The following PPIL6 variants were observed in gnomAD, a reference collection of about 807,000 sequenced individuals.
PPIL6 encodes probable inactive peptidyl-prolyl cis-trans isomerase-like 6.
Under a neutral mutation model 36.8 loss-of-function variants are expected in PPIL6, and 39 were observed. The ratio of observed to expected loss-of-function variants is 1.06; its 90% CI spans 0.82 to 1.38. The LOEUF is 1.38. Among genes scored for constraint, PPIL6 ranks in the 40% most tolerant of loss-of-function variants. The pLI is 0.00. For synonymous variants in PPIL6, 123 were observed against 134.1 expected (o/e 0.92, Z 0.57); for missense variants, 368 against 379.1 (o/e 0.97, Z 0.24).
At chr6:109,417,263 T>A (rs902720391) in intron 6 of PPIL6, among the ~76,000 whole-genome samples, 2 of 151,716 alleles carry the variant, frequency 1.3e-5, no homozygotes, top group African/African-American at 4.8e-5. Context: ...TGGCAGCTTC[T>A]CCAAAAAATG....
intron 6 of PPIL6, among the ~76,000 whole-genome samples, chr6:109,401,786 G>A (rs1014435751): frequency 6.7e-5 from 9 of 134,178 alleles, no homozygotes; most frequent in Non-Finnish European, 1.1e-4. Context: ...GTGCAGTGGC[G>A]CGGTCTTGGT....
At chr6:109,406,285 C>T (rs539127929) in intron 6 of PPIL6, among the ~76,000 whole-genome samples, 2 of 151,718 alleles carry the variant, frequency 1.3e-5, no homozygotes, top group South Asian at 4.2e-4. Flanking sequence ...CTCCTGGGCT[C>T]AAGCAATCCT....
chr6:109,393,942 T>G (rs1261063096), intron 7 of PPIL6, among the ~76,000 whole-genome samples: 5 of 152,220 alleles, frequency 3.3e-5, no homozygotes, highest in Admixed American at 1.3e-4. Flanking sequence ...TTTGTATGCT[T>G]CTTTGATTGA....
At chr6:109,422,236 G>A (rs1773588286) in intron 5 of PPIL6, among the ~76,000 whole-genome samples, 1 of 152,170 alleles carries the variant, frequency 6.6e-6, no homozygotes, top group Non-Finnish European at 1.5e-5. Flanking sequence ...CCTGCTACTT[G>A]GGAGGCTGAA....
At chr6:109,439,170 A>G (rs1171847133) in intron 1 of PPIL6, among the ~76,000 whole-genome samples, 2 of 152,184 alleles carry the variant, frequency 1.3e-5, no homozygotes, top group African/African-American at 2.4e-5. Flanking sequence ...TCAGAAAAAG[A>G]GCGAAAAAAA....
At chr6:109,437,333 G>C (rs1179007692) in intron 1 of PPIL6, among the ~76,000 whole-genome samples, 1 of 152,170 alleles carries the variant, frequency 6.6e-6, no homozygotes, top group East Asian at 1.9e-4. Flanking sequence ...GTCCAAAAGA[G>C]GGTGCTGGCC....
chr6:109,435,784 G>A (rs953291880), intron 2 of PPIL6, among the ~76,000 whole-genome samples: 2 of 152,112 alleles, frequency 1.3e-5, no homozygotes, highest in African/African-American at 4.8e-5. Flanking sequence ...AACTAGCTAG[G>A]TGTGGTGGCG....
chr6:109,399,082 C>T (rs1170644348), intron 7 of PPIL6, among the ~76,000 whole-genome samples: 2 of 148,726 alleles, frequency 1.3e-5, no homozygotes, highest in Non-Finnish European at 2.9e-5. Context: ...CACACCACCA[C>T]ACCCAGCTAA....
intron 7 of PPIL6, among the ~76,000 whole-genome samples, chr6:109,395,101 C>T (rs953041749): frequency 2.0e-5 from 3 of 152,100 alleles, no homozygotes; most frequent in Non-Finnish European, 4.4e-5. Context: ...AGCTACATAT[C>T]GCTATTTAAA....
intron 3 of PPIL6, 139 bp downstream of exon 3, chr6:109,431,018 A>G (rs767935598): frequency 8.1e-5 from 51 of 630,726 alleles, no homozygotes; most frequent in Non-Finnish European, 1.3e-4. Context: ...ATCTTTTGCA[A>G]ATGGAAATGG....
chr6:109,402,913 G>A (rs754366286), intron 6 of PPIL6: 13 of 650,684 alleles, frequency 2.0e-5, no homozygotes, highest in South Asian at 1.5e-4. Flanking sequence ...AGAAAGAACC[G>A]TTTTAAATAT....
At chr6:109,439,011 C>T (rs1562277698) in intron 1 of PPIL6, among the ~76,000 whole-genome samples, 1 of 152,212 alleles carries the variant, frequency 6.6e-6, no homozygotes, top group Non-Finnish European at 1.5e-5. Context: ...ATCTCTGTGT[C>T]TGCTTTTGCA....
intron 6 of PPIL6, among the ~76,000 whole-genome samples, chr6:109,416,026 G>A (rs1773236152): frequency 6.6e-6 from 1 of 152,066 alleles, no homozygotes. Flanking sequence ...CATTGTCCAG[G>A]CCTTTTTGTA....
chr6:109,430,513 A>G (rs1774080373), intron 3 of PPIL6, among the ~76,000 whole-genome samples: 3 of 148,696 alleles, frequency 2.0e-5, no homozygotes, highest in South Asian at 4.2e-4. Flanking sequence ...TGCAACCTCC[A>G]CCTCCCAGGT....
At chr6:109,393,202 T>A (rs571284183) in intron 7 of PPIL6, among the ~76,000 whole-genome samples, 2 of 149,320 alleles carry the variant, frequency 1.3e-5, no homozygotes, top group African/African-American at 5.0e-5. Context: ...CCTCTGTTTT[T>A]CTCCCTGCAG....
At chr6:109,400,838 T>C (rs1376953845) in intron 6 of PPIL6, among the ~76,000 whole-genome samples, 2 of 152,142 alleles carry the variant, frequency 1.3e-5, no homozygotes, top group Non-Finnish European at 2.9e-5. Context: ...TAATTGTTTA[T>C]TTTTAGTGAT....
chr6:109,440,077 T>C (rs1326978415), intron 1 of PPIL6: 3 of 320,230 alleles, frequency 9.4e-6, no homozygotes, highest in South Asian at 2.3e-5. Flanking sequence ...TAGCTAGTTA[T>C]ATAGTAATCA....
intron 2 of PPIL6, among the ~76,000 whole-genome samples, chr6:109,432,196 A>AGG (rs1774194146): frequency 6.6e-6 from 1 of 152,194 alleles, no homozygotes; most frequent in African/African-American, 2.4e-5. Flanking sequence ...TTCAATGCAG[A>AGG]GGACTGGGAA....
In PPIL6 at chr6:109,434,692, G is replaced by A. The variant is rs114587480; in HGVS notation, c.231+1412C>T. Among the ~76,000 whole-genome samples, 415 of 152,182 alleles carry A rather than the reference G, an allele frequency of 2.7e-3. 1 individual carries two copies. The highest frequency in any genetic ancestry group is 9.5e-3 in the African/African-American group (396 of 41,518). ...TTGTGCAACCCAGCACAGAACAATCGAAACTGCTCTGGTCAAGGGAAATGA... is the reference window on the plus strand; with the variant it reads ...TTGTGCAACCCAGCACAGAACAATCAAAACTGCTCTGGTCAAGGGAAATGA... On this transcript the variant is annotated intron_variant, in intron 2 of 7. Coordinates refer to ENST00000521072, the MANE Select transcript of PPIL6 (RefSeq NM_173672.5).
Sources: allele counts gnomAD v4.1 joint callset (sites outside exome capture counted in the v4.1 genomes callset), GRCh38; gene constraint gnomAD v4.1.1; transcripts MANE v1.5; gene names NCBI Gene and HGNC (gene_info 2026-07-23, HGNC 2026-07-21).